ARHGAP12: variants seen among roughly 807,000 people sequenced by gnomAD.
ARHGAP12 encodes the protein rho GTPase-activating protein 12.
ARHGAP12 carries 64 observed loss-of-function variants against 108.6 expected under a neutral mutation model. That is an observed-to-expected ratio of 0.59 (90% CI 0.48 to 0.73). The LOEUF (loss-of-function observed/expected upper bound fraction) is 0.73, where lower values mean the gene tolerates loss of function less well. ARHGAP12 is among the 30% of genes least tolerant of loss of function. The probability of loss-of-function intolerance (pLI) is 0.00; values close to 1 mark genes in which losing one functional copy is unlikely to be tolerated. For missense variants in ARHGAP12, 940 were observed against 1,005.9 expected (o/e 0.93, Z 0.89); for synonymous variants, 312 against 337.2 (o/e 0.93, Z 0.82).
chr10:31,834,644 T>G (rs1288079447), intron 9 of ARHGAP12, among the ~76,000 whole-genome samples: 1 of 152,176 alleles, frequency 6.6e-6, no homozygotes, highest in East Asian at 1.9e-4. Flanking sequence ...ATCCACTCCA[T>G]TAGGCCGTAA....
intron 3 of ARHGAP12, among the ~76,000 whole-genome samples, chr10:31,884,440 A>G (rs932318246): frequency 2.6e-5 from 4 of 152,146 alleles, no homozygotes; most frequent in African/African-American, 4.8e-5. Flanking sequence ...TACATAAACA[A>G]TGGCCTTATA....
chr10:31,817,359 G>A (rs1260030155), intron 13 of ARHGAP12, among the ~76,000 whole-genome samples: 1 of 152,002 alleles, frequency 6.6e-6, no homozygotes, highest in Non-Finnish European at 1.5e-5. Flanking sequence ...GGGGAGAGGC[G>A]GAAAAACTAG....
intron 4 of ARHGAP12, among the ~76,000 whole-genome samples, chr10:31,855,589 C>CA (rs979048879): frequency 2.0e-5 from 3 of 152,124 alleles, no homozygotes; most frequent in African/African-American, 7.2e-5. Context: ...ATTTTTTAAA[C>CA]ATTGAAAGCC....
At chr10:31,836,987 C>G (rs1836046244) in intron 9 of ARHGAP12, among the ~76,000 whole-genome samples, 1 of 152,038 alleles carries the variant, frequency 6.6e-6, no homozygotes, top group Non-Finnish European at 1.5e-5. Context: ...GAGGCAGTTC[C>G]CTGTGATGGC....
At chr10:31,911,685 A>G (rs557447487) in intron 1 of ARHGAP12, among the ~76,000 whole-genome samples, 2 of 152,352 alleles carry the variant, frequency 1.3e-5, no homozygotes, top group East Asian at 3.9e-4. Flanking sequence ...CCAAATGATC[A>G]AACTTAAGAG....
At chr10:31,898,273 C>G (rs1046230424) in intron 3 of ARHGAP12, among the ~76,000 whole-genome samples, 2 of 152,104 alleles carry the variant, frequency 1.3e-5, no homozygotes, top group African/African-American at 2.4e-5. Flanking sequence ...AAATATGTCT[C>G]CAAGGAAAAT....
intron 1 of ARHGAP12, among the ~76,000 whole-genome samples, chr10:31,928,174 G>GCGCACA (rs149445215): frequency 1.5e-4 from 23 of 149,406 alleles, no homozygotes; most frequent in Non-Finnish European, 2.7e-4. Context: ...GGCCTTTTGC[G>GCGCACA]CACACACACA....
intron 8 of ARHGAP12, 127 bp downstream of exon 8, chr10:31,839,510 A>C: frequency 8.6e-7 from 1 of 1,156,458 alleles, no homozygotes; most frequent in Non-Finnish European, 1.2e-6. Context: ...TTTGATTGTG[A>C]TTTTTTAGAA....
At chr10:31,891,890 G>C (rs1237061494) in intron 3 of ARHGAP12, among the ~76,000 whole-genome samples, 3 of 152,078 alleles carry the variant, frequency 2.0e-5, no homozygotes, top group Non-Finnish European at 4.4e-5. Context: ...TAAAGCTTGT[G>C]CATTCGTCAC....
chr10:31,911,268 C>T (rs1455702794), intron 1 of ARHGAP12, among the ~76,000 whole-genome samples: 1 of 152,172 alleles, frequency 6.6e-6, no homozygotes, highest in African/African-American at 2.4e-5. Context: ...AGGTGATCCG[C>T]CTGCCTCAGC....
At chr10:31,812,287 A>T (rs1306782225) in intron 15 of ARHGAP12, among the ~76,000 whole-genome samples, 1 of 152,162 alleles carries the variant, frequency 6.6e-6, no homozygotes, top group Non-Finnish European at 1.5e-5. Context: ...AGAAAAAAAC[A>T]CCTTATGCTA....
chr10:31,918,000 G>A (rs72778370), intron 1 of ARHGAP12, among the ~76,000 whole-genome samples: 3,139 of 151,322 alleles, frequency 0.021, 48 homozygotes, highest in Non-Finnish European at 0.035. Flanking sequence ...CTGTCACTTA[G>A]GCTGGAGTGC....
intron 7 of ARHGAP12, among the ~76,000 whole-genome samples, 158 bp from the exon 8 acceptor site, chr10:31,839,869 A>G (rs1392293530): frequency 6.6e-6 from 1 of 152,146 alleles, no homozygotes; most frequent in Non-Finnish European, 1.5e-5. Context: ...AATGATTTTA[A>G]AACTACAAAC....
At chr10:31,904,572 T>C (rs181126170) in intron 3 of ARHGAP12, among the ~76,000 whole-genome samples, 33 of 152,268 alleles carry the variant, frequency 2.2e-4, no homozygotes, top group Admixed American at 1.8e-3. Flanking sequence ...CAGTATAGTG[T>C]TGCAAGATGC....
chr10:31,908,716 T>C lies in ARHGAP12; in HGVS notation c.140A>G (p.Asn47Ser), dbSNP rs752982043. 1.2e-6 allele frequency: 2 copies of C among 1,614,158 alleles called. No homozygotes were observed. The highest frequency in any genetic ancestry group is 1.7e-6 in the Non-Finnish European group (2 of 1,180,034). Residue 47 changes from asparagine to serine, a missense_variant, in exon 3 of 20, where the codon AAT becomes AGT. By Grantham distance (46) the Asn-to-Ser change is conservative. Transcript: ENST00000344936. ...GERYILVKKTNDDWWQVKPDE... is the reference protein window; with the variant it reads ...GERYILVKKTSDDWWQVKPDE... ...TGGCTTGACTTGCCACCAGTCATCA[T>C]TGGTCTTTTTCACCAAGATGTACCT...
intron 6 of ARHGAP12, among the ~76,000 whole-genome samples, chr10:31,850,449 A>G (rs1836628972): frequency 6.6e-6 from 1 of 152,168 alleles, no homozygotes; most frequent in East Asian, 1.9e-4. Flanking sequence ...TCCCCAACAT[A>G]TAAGTTATTA....
intron 4 of ARHGAP12, among the ~76,000 whole-genome samples, chr10:31,858,356 ACATAGATCCTATATGGCTT>A (rs1318160220): frequency 3.9e-5 from 6 of 152,236 alleles, no homozygotes; most frequent in Non-Finnish European, 8.8e-5. Flanking sequence ...ACAACAGCAC[ACATAGATCCTATATGGCTT>A]CAAGGAACAA....
intron 1 of ARHGAP12, among the ~76,000 whole-genome samples, chr10:31,920,449 C>CAAAAAAAAAAAAAAAAA (rs71027040): frequency 4.0e-4 from 24 of 59,598 alleles, no homozygotes; most frequent in African/African-American, 1.3e-3. Flanking sequence ...GACTCCGTCT[C>CAAAAAAAAAAAAAAAAA]AAAAAAAAAA....
rs370450544 is a variant in ARHGAP12 at position 31,867,347 on chromosome 10, CAT to C, written c.685-5691_685-5690del. Among the ~76,000 whole-genome samples the C allele has an allele frequency of 6.8e-4, 104 of 152,204 alleles. 1 individual carries two copies. Among genetic ancestry groups the C allele is most frequent in the African/African-American group, 1.9e-3 (78 of 41,546 alleles). ...TGATCTCTGGCAAAAAGAAAGTGCA[CAT>C]GTTTATTATTGCCTAAACCACTGAA... is the stretch of plus-strand genomic sequence containing the variant. On this transcript the variant is annotated intron_variant, in intron 3 of 19. Transcript: ENST00000344936.
Sources: allele counts gnomAD v4.1 joint callset (sites outside exome capture counted in the v4.1 genomes callset), GRCh38; gene constraint gnomAD v4.1.1; transcripts MANE v1.5; gene names NCBI Gene and HGNC (gene_info 2026-07-23, HGNC 2026-07-21).